The following OSBPL1A variants were observed in gnomAD, a reference collection of about 807,000 sequenced individuals.
The protein encoded by OSBPL1A is oxysterol binding protein like 1A, also known as oxysterol-binding protein-related protein 1.
In OSBPL1A, 80 loss-of-function variants were observed where a neutral mutation model predicts 137.1. That is an observed-to-expected ratio of 0.58 (90% CI 0.49 to 0.70). The LOEUF is 0.70. Among genes scored for constraint, OSBPL1A ranks in the 30% least tolerant of loss-of-function variants. The pLI is 0.00. For synonymous variants in OSBPL1A, 365 were observed against 389.7 expected (o/e 0.94, Z 0.75); for missense variants, 970 against 1,129.4 (o/e 0.86, Z 2.02).
intron 4 of OSBPL1A, chr18:24,357,429 G>T (rs1958647917): frequency 6.6e-6 from 1 of 152,148 alleles, no homozygotes; most frequent in African/African-American, 2.4e-5. Context: ...ATTTGCGTGT[G>T]GTGGGCCTGG....
intron 5 of OSBPL1A, among the ~76,000 whole-genome samples, chr18:24,340,918 GCC>G (rs1246669756): frequency 2.0e-5 from 3 of 152,082 alleles, no homozygotes; most frequent in Non-Finnish European, 4.4e-5. Flanking sequence ...CAGTCTATTA[GCC>G]ACATTCCCTC....
chr18:24,267,323 C>T (rs1465880534), intron 15 of OSBPL1A, among the ~76,000 whole-genome samples: 1 of 151,152 alleles, frequency 6.6e-6, no homozygotes, highest in Non-Finnish European at 1.5e-5. Flanking sequence ...AAAAACTTTA[C>T]AAAGATAAGG....
chr18:24,218,886 G>A (rs11083021), intron 17 of OSBPL1A, among the ~76,000 whole-genome samples: 136,801 of 152,228 alleles, frequency 0.9, 61,587 homozygotes, highest in East Asian at 0.99. Flanking sequence ...CACAATGTGC[G>A]GTATATATAT....
At chr18:24,171,943 C>CTT (rs371618047) in intron 22 of OSBPL1A, among the ~76,000 whole-genome samples, 30 of 140,316 alleles carry the variant, frequency 2.1e-4, no homozygotes, top group Admixed American at 4.3e-4. Context: ...TTGCCTGATC[C>CTT]TTTTTTTTTT....
At chr18:24,302,734 A>G (rs2090426724) in intron 14 of OSBPL1A, 1 of 152,152 alleles carries the variant, frequency 6.6e-6, no homozygotes, top group Non-Finnish European at 1.5e-5. Context: ...TAGGCTATTT[A>G]TAGTCAACTC....
chr18:24,166,819 T>G, intron 25 of OSBPL1A, 117 bp from the exon 26 acceptor site: 1 of 1,049,842 alleles, frequency 9.5e-7, no homozygotes, highest in Non-Finnish European at 1.4e-6. Context: ...ATGGTAACAA[T>G]GGTCAGTCTT....
intron 14 of OSBPL1A, among the ~76,000 whole-genome samples, chr18:24,296,096 G>A (rs567931648): frequency 3.9e-5 from 6 of 152,254 alleles, no homozygotes; most frequent in Admixed American, 1.3e-4. Flanking sequence ...GCTTTGGGCA[G>A]TATGGTCATT....
chr18:24,254,250 C>T lies in OSBPL1A; in HGVS notation c.1282-14868G>A, dbSNP rs145418359. On this transcript the variant is annotated intron_variant, in intron 15 of 27. Coordinates refer to ENST00000319481, the MANE Select transcript of OSBPL1A (RefSeq NM_080597.4). ...AGCTAGACCTCAATATAATAATTGC[C>T]GGAGGTCACAACACCCCATTTTCAG... Among the ~76,000 whole-genome samples the T allele has an allele frequency of 5.3e-5, 8 of 152,192 alleles. No individual in the cohort carries two copies. In the East Asian group the frequency reaches 1.5e-3, roughly 29 times the overall value.
chr18:24,296,697 A>G (rs193258533), intron 14 of OSBPL1A, among the ~76,000 whole-genome samples: 112 of 152,282 alleles, frequency 7.4e-4, no homozygotes, highest in Non-Finnish European at 1.2e-3. Flanking sequence ...TAGTTTATTA[A>G]GAGTTTTTAA....
At chr18:24,250,186 G>GTT (rs200198027) in intron 15 of OSBPL1A, among the ~76,000 whole-genome samples, 4 of 78,068 alleles carry the variant, frequency 5.1e-5, no homozygotes, top group African/African-American at 1.9e-4. Flanking sequence ...TTGTTTGTTT[G>GTT]TTTTTTTTGA....
chr18:24,380,723 G>A (rs1244390667), intron 1 of OSBPL1A, among the ~76,000 whole-genome samples: 2 of 152,154 alleles, frequency 1.3e-5, no homozygotes, highest in African/African-American at 2.4e-5. Context: ...AGACTGAGGC[G>A]GGTCTATCAC....
intron 17 of OSBPL1A, among the ~76,000 whole-genome samples, chr18:24,209,568 G>A (rs2087472974): frequency 6.6e-6 from 1 of 152,088 alleles, no homozygotes; most frequent in Admixed American, 6.5e-5. Context: ...TCTGCAGAAT[G>A]GTATCTAGAA....
At chr18:24,319,350 A>C (rs1368936254) in intron 7 of OSBPL1A, among the ~76,000 whole-genome samples, 1 of 152,120 alleles carries the variant, frequency 6.6e-6, no homozygotes, top group Non-Finnish European at 1.5e-5. Context: ...CTACCTGGAT[A>C]ATTCAGGATT....
chr18:24,177,308 T>C (rs1391858168), intron 21 of OSBPL1A, among the ~76,000 whole-genome samples: 1 of 152,222 alleles, frequency 6.6e-6, no homozygotes, highest in Admixed American at 6.5e-5. Context: ...AAAGAATTAC[T>C]CTCAGAACTT....
At chr18:24,295,858 CT>C (rs35806995) in intron 14 of OSBPL1A, among the ~76,000 whole-genome samples, 24,545 of 145,188 alleles carry the variant, frequency 0.17, 2,110 homozygotes, top group African/African-American at 0.23. Context: ...GTCTAAGAGC[CT>C]TTTTTTTTTT....
intron 17 of OSBPL1A, among the ~76,000 whole-genome samples, chr18:24,217,200 A>G (rs1054165762): frequency 6.6e-6 from 1 of 151,520 alleles, no homozygotes; most frequent in Non-Finnish European, 1.5e-5. Flanking sequence ...CAATATATAG[A>G]TCATTTTATA....
intron 18 of OSBPL1A, among the ~76,000 whole-genome samples, chr18:24,187,363 C>T (rs1431075994): frequency 1.3e-5 from 2 of 152,138 alleles, no homozygotes; most frequent in African/African-American, 4.8e-5. Context: ...GAACTTTATA[C>T]TTAAAAATGG....
At chr18:24,200,546 A>T (rs931621972) in intron 17 of OSBPL1A, among the ~76,000 whole-genome samples, 2 of 145,926 alleles carry the variant, frequency 1.4e-5, no homozygotes, top group Non-Finnish European at 3.0e-5. Flanking sequence ...TGGGTGACAG[A>T]GTGAGACTCC....
chr18:24,372,618 C>T (rs1259930119), intron 2 of OSBPL1A, among the ~76,000 whole-genome samples: 2 of 152,192 alleles, frequency 1.3e-5, no homozygotes, highest in South Asian at 2.1e-4. Flanking sequence ...GACTCCAACT[C>T]CTAAATATTC....
Sources: gnomAD v4.1 joint callset for allele counts (sites outside exome capture counted in the v4.1 genomes callset) on GRCh38, gnomAD v4.1.1 for gene constraint, MANE v1.5 for transcripts, NCBI Gene and HGNC (gene_info 2026-07-23, HGNC 2026-07-21) for gene names.